The following ESR1 variants were observed in gnomAD, a reference collection of about 807,000 sequenced individuals.
ESR1 encodes the protein estrogen receptor 1, also known as estrogen receptor.
A neutral mutation model predicts 52.7 loss-of-function variants in ESR1; 12 were observed. The observed-to-expected ratio is 0.23, with a 90% CI of 0.15 to 0.37. The LOEUF (loss-of-function observed/expected upper bound fraction) is 0.37. Ranked by LOEUF, ESR1 falls within the 10% of genes least tolerant of loss-of-function variation. The pLI, the probability that ESR1 is intolerant of heterozygous loss-of-function variation, is 1.00. For synonymous variants in ESR1, 305 were observed against 316.8 expected, an observed-to-expected ratio of 0.96 and a Z score of 0.39; for missense variants, 584 against 779.7, an observed-to-expected ratio of 0.75 and a Z score of 2.99.
intron 2 of ESR1, among the ~76,000 whole-genome samples, chr6:151,796,006 C>A (rs1464179194): frequency 6.8e-6 from 1 of 146,766 alleles, no homozygotes; most frequent in Non-Finnish European, 1.5e-5. Flanking sequence ...AAAAAAAAAA[C>A]CAAAACACAA....
intron 2 of ESR1, among the ~76,000 whole-genome samples, chr6:151,782,570 A>C (rs1786651465): frequency 6.6e-6 from 1 of 152,194 alleles, no homozygotes. Flanking sequence ...GGTATGGTAT[A>C]TGTAATATTC....
At chr6:152,035,518 C>T (rs1180696206) in intron 5 of ESR1, among the ~76,000 whole-genome samples, 1 of 151,982 alleles carries the variant, frequency 6.6e-6, no homozygotes, top group Non-Finnish European at 1.5e-5. Context: ...ACAAATCGGT[C>T]TATAAATTCA....
chr6:151,956,835 T>TATAAATAA (rs58551150), intron 4 of ESR1, among the ~76,000 whole-genome samples: 10 of 129,276 alleles, frequency 7.7e-5, no homozygotes, highest in Non-Finnish European at 1.1e-4. Context: ...TATATATAAA[T>TATAAATAA]ATAAATAAAT....
chr6:151,686,092 TAGA>T (rs1778660802), upstream of ESR1, among the ~76,000 whole-genome samples: 1 of 148,540 alleles, frequency 6.7e-6, no homozygotes, highest in African/African-American at 2.5e-5. Flanking sequence ...TTTTTTTATT[TAGA>T]GACGGGGTCT....
intron 5 of ESR1, among the ~76,000 whole-genome samples, chr6:152,022,280 G>A (rs542516350): frequency 3.3e-5 from 5 of 152,142 alleles, no homozygotes; most frequent in Admixed American, 1.3e-4. Context: ...CGGTATTGGC[G>A]ACTGAAAGGA....
At chr6:151,811,829 A>G (rs1778884525) in intron 1 of ESR1, among the ~76,000 whole-genome samples, 1 of 152,138 alleles carries the variant, frequency 6.6e-6, no homozygotes, top group African/African-American at 2.4e-5. Flanking sequence ...ATATTTTCGG[A>G]TGAAAACGGA....
chr6:151,879,924 A>C (rs556272004), intron 2 of ESR1, among the ~76,000 whole-genome samples: 1 of 152,270 alleles, frequency 6.6e-6, no homozygotes, highest in Non-Finnish European at 1.5e-5. Context: ...ATATTTTAAG[A>C]AGGGCTACTT....
chr6:151,866,141 T>C (rs1789861279), intron 2 of ESR1, among the ~76,000 whole-genome samples: 1 of 152,234 alleles, frequency 6.6e-6, no homozygotes, highest in Non-Finnish European at 1.5e-5. Context: ...CCATAAGAAC[T>C]ATGAAATGCT....
chr6:151,767,960 G>C (rs535750649), intron 2 of ESR1, among the ~76,000 whole-genome samples: 48 of 152,264 alleles, frequency 3.2e-4, no homozygotes, highest in Non-Finnish European at 6.0e-4. Context: ...ATTCCTCCTA[G>C]ATATGAGGGG....
chr6:151,876,436 T>G (rs1229492725), intron 2 of ESR1, among the ~76,000 whole-genome samples: 1 of 152,142 alleles, frequency 6.6e-6, no homozygotes. Flanking sequence ...CCTGCAATAT[T>G]ATATTGGCTT....
At chr6:152,125,571 T>C in exon 7 of ESR1, 1 of 513,012 alleles carries the variant, frequency 1.9e-6, no homozygotes, top group Non-Finnish European at 3.2e-6. Context: ...CTTCAAAACA[T>C]CCTTCCCCTG....
intron 2 of ESR1, among the ~76,000 whole-genome samples, chr6:151,724,052 G>T (rs1340294292): frequency 1.3e-5 from 2 of 152,108 alleles, no homozygotes; most frequent in South Asian, 2.1e-4. Context: ...AGCAGTTCAG[G>T]TGGAACCCAC....
At chr6:152,067,197 G>A (rs1356055660) in intron 6 of ESR1, among the ~76,000 whole-genome samples, 1 of 152,186 alleles carries the variant, frequency 6.6e-6, no homozygotes, top group Non-Finnish European at 1.5e-5. Context: ...CAAATGGTGT[G>A]GATTTGCTCC....
chr6:152,080,834 C>G (rs1173954197), intron 6 of ESR1, among the ~76,000 whole-genome samples: 2 of 152,040 alleles, frequency 1.3e-5, no homozygotes, highest in Non-Finnish European at 2.9e-5. Context: ...AAAAAAAAAG[C>G]AGGGGTTGCA....
chr6:151,734,491 T>C (rs1782489101), intron 2 of ESR1, among the ~76,000 whole-genome samples: 1 of 152,170 alleles, frequency 6.6e-6, no homozygotes, highest in Non-Finnish European at 1.5e-5. Context: ...GCCCCACTTG[T>C]GCCTTGCTCA....
chr6:151,944,627 G>A, intron 4 of ESR1, 119 bp downstream of exon 4: 1 of 863,960 alleles, frequency 1.2e-6, no homozygotes, highest in Non-Finnish European at 1.9e-6. Flanking sequence ...TGGTTTCAAG[G>A]TTACAGGAGA....
intron 2 of ESR1, among the ~76,000 whole-genome samples, chr6:151,742,966 T>C (rs1282041617): frequency 1.3e-5 from 2 of 152,222 alleles, no homozygotes; most frequent in Non-Finnish European, 2.9e-5. Context: ...TATGAAGCCC[T>C]TCAAGGCTGC....
intron 3 of ESR1, among the ~76,000 whole-genome samples, chr6:151,926,285 T>C (rs1177796160): frequency 6.6e-6 from 1 of 152,200 alleles, no homozygotes; most frequent in Non-Finnish European, 1.5e-5. Flanking sequence ...CTCCACCTTC[T>C]TCAGAATTTT....
chr6:151,863,122 T>A (rs979905477), intron 2 of ESR1, among the ~76,000 whole-genome samples: 2 of 152,202 alleles, frequency 1.3e-5, no homozygotes, highest in Non-Finnish European at 2.9e-5. Context: ...TGGCTTAGGA[T>A]TGACTTGGCA....
Sources: allele counts gnomAD v4.1 joint callset (sites outside exome capture counted in the v4.1 genomes callset), GRCh38; gene constraint gnomAD v4.1.1; transcripts MANE v1.5; gene names NCBI Gene and HGNC (gene_info 2026-07-23, HGNC 2026-07-21).